The following GBP2 variants were observed in gnomAD, a reference collection of about 807,000 sequenced individuals.
The protein encoded by GBP2 is guanylate binding protein 2.
Under a neutral mutation model 60.8 loss-of-function variants are expected in GBP2, and 54 were observed. The ratio of observed to expected loss-of-function variants is 0.89; its 90% CI spans 0.71 to 1.11. GBP2 has a LOEUF of 1.11. Among genes scored for constraint, GBP2 ranks in the 50% most tolerant of loss-of-function variants. The pLI, the probability that GBP2 is intolerant of heterozygous loss-of-function variation, is 0.00. For synonymous variants in GBP2, 243 were observed against 256.5 expected (o/e 0.95, Z 0.50); for missense variants, 665 against 703.3 (o/e 0.95, Z 0.62).
intron 7 of GBP2, 57 bp from the exon 8 acceptor site, chr1:89,112,741 C>T: frequency 7.2e-7 from 1 of 1,390,950 alleles, no homozygotes; most frequent in Middle Eastern, 1.8e-4. Context: ...AGGATGTTAA[C>T]TATGTGGAGA....
chr1:89,112,008 T>C (rs1681176800), intron 8 of GBP2, among the ~76,000 whole-genome samples: 1 of 152,248 alleles, frequency 6.6e-6, no homozygotes, highest in Non-Finnish European at 1.5e-5. Context: ...ACATATTTTA[T>C]AGAATTGCTC....
At chr1:89,118,744 T>C (rs1681334272) in intron 4 of GBP2, 1 of 152,096 alleles carries the variant, frequency 6.6e-6, no homozygotes, top group Non-Finnish European at 1.5e-5. Context: ...CTGAAGGAGT[T>C]TGATGATTAA....
At chr1:89,115,381 A>G (rs1681248993) in intron 6 of GBP2, among the ~76,000 whole-genome samples, 2 of 152,132 alleles carry the variant, frequency 1.3e-5, no homozygotes, top group Admixed American at 1.3e-4. Flanking sequence ...ACTCCAACAA[A>G]TTATCTACAA....
At chr1:89,123,289 G>A (rs965825080) in intron 1 of GBP2, among the ~76,000 whole-genome samples, 2 of 152,088 alleles carry the variant, frequency 1.3e-5, no homozygotes, top group African/African-American at 4.8e-5. Flanking sequence ...TTACTTCTAG[G>A]CCCTCTCAGG....
At position 89,112,563 on chromosome 1, in the gene GBP2, G is replaced by A; in HGVS notation, c.1271C>T (p.Thr424Ile). Reference sequence around the variant, plus strand: ...ACGGTAACCTCCTGGTTTAGAAAATGTTCCCTGCTTGACATCTTCTTCTAA... The same window carrying A: ...ACGGTAACCTCCTGGTTTAGAAAATATTCCCTGCTTGACATCTTCTTCTAA... The part of the protein sequence containing the change: ...GPLEEDVKQG[T>I]FSKPGGYRLF... The change falls in exon 8 of 11, where the codon ACA becomes ATA. Residue 424 changes from threonine (T) to isoleucine (I), a missense_variant. Thr to Ile is a moderately conservative substitution (Grantham distance 89, BLOSUM62 -1). Transcript: ENST00000370466. 6.2e-7 allele frequency: 1 copy of A among 1,614,120 alleles called. No individual in the cohort carries two copies. The highest frequency in any genetic ancestry group is 8.5e-7 in the Non-Finnish European group (1 of 1,179,988).
intron 3 of GBP2, among the ~76,000 whole-genome samples, chr1:89,120,497 A>C (rs1681376546): frequency 6.6e-6 from 1 of 152,218 alleles, no homozygotes; most frequent in South Asian, 2.1e-4. Flanking sequence ...ATATAAATAT[A>C]TGTCAGCAGG....
At chr1:89,115,992 G>A (rs574155913) in intron 6 of GBP2, among the ~76,000 whole-genome samples, 41 of 148,006 alleles carry the variant, frequency 2.8e-4, no homozygotes, top group African/African-American at 1.0e-3. Flanking sequence ...ATATGCTTTG[G>A]TTAGCTCTTA....
Position 89,107,629 on chromosome 1 carries a change from C to CT in GBP2, c.*545_*546insA, listed in dbSNP as rs1681080609. ...GTACTTTAAAAGCCTAGTTAAGTGTCCCAGATCTCCTTTATTTGCAGCCAG... is the reference window on the plus strand; with the variant it reads ...GTACTTTAAAAGCCTAGTTAAGTGTCTCCAGATCTCCTTTATTTGCAGCCAG... On this transcript the variant is annotated 3_prime_UTR_variant, in exon 11 of 11. Coordinates refer to ENST00000370466, the MANE Select transcript of GBP2 (RefSeq NM_004120.5). Among the ~76,000 whole-genome samples the CT allele has an allele frequency of 1.3e-5, 2 of 152,180 alleles. 1 individual carries two copies. Among genetic ancestry groups the CT allele is most frequent in the Non-Finnish European group, 2.9e-5 (2 of 68,042 alleles).
chr1:89,116,267 GC>G (rs1439960547), intron 6 of GBP2, among the ~76,000 whole-genome samples: 1 of 152,012 alleles, frequency 6.6e-6, no homozygotes, highest in African/African-American at 2.4e-5. Context: ...ACCCACCTCA[GC>G]CCCCCAAAGT....
At position 89,117,002 on chromosome 1, in the gene GBP2, G is replaced by A; in HGVS notation, c.858C>T (p.Val286=). ...GAGAGAGTGACTCACGAGGCCCATT[G>A]ACTGGAATGCCACCTGAAAGAGTCT... The part of the protein sequence containing the change: ...NVKTLSGGIP[V]NGPRLESLVL... Residue 286 remains valine (V), a synonymous_variant, in exon 6 of 11, where the codon GTC becomes GTT. Transcript: ENST00000370466. 2 of 1,613,920 alleles carry A rather than the reference G, an allele frequency of 1.2e-6. No individual in the cohort carries two copies. Among genetic ancestry groups the A allele is most frequent in the Non-Finnish European group, 1.7e-6 (2 of 1,179,846 alleles).
intron 8 of GBP2, among the ~76,000 whole-genome samples, chr1:89,112,109 G>A (rs1681178470): frequency 6.6e-6 from 1 of 152,126 alleles, no homozygotes; most frequent in Non-Finnish European, 1.5e-5. Context: ...TTGTTCATAA[G>A]CTATCATTTG....
At chr1:89,122,801 T>G (rs1336356654) in intron 1 of GBP2, among the ~76,000 whole-genome samples, 1 of 152,244 alleles carries the variant, frequency 6.6e-6, no homozygotes, top group Non-Finnish European at 1.5e-5. Flanking sequence ...TTTCAGTCAC[T>G]ATTTTTAGCA....
At chr1:89,117,900 A>C in intron 4 of GBP2, 127 bp from the exon 5 acceptor site, 1 of 771,378 alleles carries the variant, frequency 1.3e-6, no homozygotes, top group Non-Finnish European at 2.1e-6. Context: ...ACATTTATTT[A>C]CAGAATTCAT....
chr1:89,117,238 C>A lies in GBP2; in HGVS notation c.626-4G>T, dbSNP rs1372374251. ...CTTTTACTTTTCTTATCAGTACCTA[C>A]AGGAATGAAAATTAGAAGTAGTAAA... On this transcript the variant is annotated splice_region_variant and splice_polypyrimidine_tract_variant and intron_variant, in intron 5 of 10. Coordinates refer to ENST00000370466, the MANE Select transcript of GBP2 (RefSeq NM_004120.5). 6.2e-7 allele frequency: 1 copy of A among 1,608,110 alleles called. No individual in the cohort carries two copies.
At position 89,125,498 on chromosome 1, in the gene GBP2, C is replaced by T. The variant is rs148671225; in HGVS notation, c.-18+365G>A. Among the ~76,000 whole-genome samples, 202 of 152,322 alleles carry T rather than the reference C, an allele frequency of 1.3e-3. 2 individuals carry two copies. The highest frequency in any genetic ancestry group is 4.6e-3 in the African/African-American group (193 of 41,562). On this transcript the variant is annotated intron_variant, in intron 1 of 10. Transcript: ENST00000370466. ...TGTATAAGCTCCCTAATTATAATAA[C>T]GTGTTCCCTCTCTTTGCAGATCCCA...
chr1:89,109,512 G>C (rs928391231), intron 10 of GBP2, among the ~76,000 whole-genome samples, 165 bp downstream of exon 10: 3 of 152,186 alleles, frequency 2.0e-5, no homozygotes, highest in Non-Finnish European at 4.4e-5. Context: ...CAAGTAAACA[G>C]TCTTTACTAA....
rs1377148255 is a variant in GBP2 at position 89,116,975 on chromosome 1, TAG to T, written c.868+15_868+16del. 2 of 1,613,322 alleles carry T rather than the reference TAG, an allele frequency of 1.2e-6. No individual in the cohort carries two copies. The highest frequency in any genetic ancestry group is 3.3e-4 in the Middle Eastern group (2 of 6,060). ...GGAGAAAGTCCAGGTAGGAAGTGGG[TAG>T]AGAGAGTGACTCACGAGGCCCATTG... On this transcript the variant is annotated intron_variant, in intron 6 of 10. Transcript: ENST00000370466.
intron 2 of GBP2, 26 bp downstream of exon 2, chr1:89,121,751 C>T: frequency 6.2e-7 from 1 of 1,609,984 alleles, no homozygotes. Flanking sequence ...ACAGAAGGGG[C>T]TTAGAGCTTT....
chr1:89,118,641 G>A lies in GBP2; in HGVS notation c.429-868C>T, dbSNP rs375290138. The A allele has an allele frequency of 3.7e-4, 56 of 152,122 alleles. 6 individuals carry two copies. The highest frequency in any genetic ancestry group is 9.2e-4 in the Admixed American group (14 of 15,294). The allele number at this position is 152,122 out of a possible 1,614,324, so 9.4% of individuals were successfully genotyped here. ...CAAACAAACAAAACTAATACAAAAA[G>A]CAATTAGGTAGTTGAAAAGATAACC... On this transcript the variant is annotated intron_variant, in intron 4 of 10. Coordinates refer to ENST00000370466, the MANE Select transcript of GBP2 (RefSeq NM_004120.5).
Sources: allele counts gnomAD v4.1 joint callset (sites outside exome capture counted in the v4.1 genomes callset), GRCh38; gene constraint gnomAD v4.1.1; transcripts MANE v1.5; gene names NCBI Gene and HGNC (gene_info 2026-07-23, HGNC 2026-07-21).